Variants in EIF4G3 observed in about 807,000 individuals in gnomAD.
EIF4G3 encodes eukaryotic translation initiation factor 4 gamma 3.
EIF4G3 carries 34 observed loss-of-function variants against 186.4 expected under a neutral mutation model. The ratio of observed to expected loss-of-function variants is 0.18; its 90% CI spans 0.14 to 0.24. The LOEUF is 0.24. Ranked by LOEUF, EIF4G3 falls within the 10% of genes least tolerant of loss-of-function variation. The pLI, the probability that EIF4G3 is intolerant of heterozygous loss-of-function variation, is 1.00. For synonymous variants in EIF4G3, 673 were observed against 679.5 expected, an observed-to-expected ratio of 0.99 and a Z score of 0.15; for missense variants, 1,536 against 1,948.5, an observed-to-expected ratio of 0.79 and a Z score of 3.99.
chr1:21,045,320 T>A (rs1189826192), intron 4 of EIF4G3, among the ~76,000 whole-genome samples: 1 of 152,192 alleles, frequency 6.6e-6, no homozygotes. Context: ...GGTGTAACAA[T>A]AAGCATCACG....
intron 2 of EIF4G3, among the ~76,000 whole-genome samples, chr1:21,103,726 C>G (rs1010241046): frequency 1.3e-5 from 2 of 152,066 alleles, no homozygotes; most frequent in African/African-American, 4.8e-5. Flanking sequence ...TGTCTGTAGT[C>G]CCAGCTACTT....
rs138069031 is a variant in EIF4G3 at position 20,915,199 on chromosome 1, T to A, written c.1664-10228A>T. On this transcript the variant is annotated intron_variant, in intron 14 of 36. Transcript: ENST00000602326. ...TGGGCCAAAAAGCAAGAAGATATCATCAGGTCTGTGACTCCTCTGGAGGCT... is the reference window on the plus strand; with the variant it reads ...TGGGCCAAAAAGCAAGAAGATATCAACAGGTCTGTGACTCCTCTGGAGGCT... Among the ~76,000 whole-genome samples the A allele has an allele frequency of 5.3e-5, 8 of 152,318 alleles. No homozygotes were observed. In the East Asian group the frequency reaches 7.7e-4, roughly 15 times the overall value.
chr1:20,889,255 C>T (rs190842966), intron 18 of EIF4G3, among the ~76,000 whole-genome samples: 145 of 152,254 alleles, frequency 9.5e-4, no homozygotes, highest in African/African-American at 3.3e-3. Context: ...AATCAATATA[C>T]ACCTAAATTT....
At position 20,942,112 on chromosome 1, in the gene EIF4G3, T is replaced by A. The variant is rs780268817; in HGVS notation, c.1042A>T (p.Ile348Leu). The change falls in exon 14 of 37, where the codon ATA becomes TTA. Residue 348 changes from isoleucine (I) to leucine (L), a missense_variant. By Grantham distance (5) the Ile-to-Leu change is conservative. Around this residue, in one of 11 missense-constraint regions of EIF4G3, gnomAD observed 560 missense variants for 547.8 expected, o/e 1.02. Coordinates refer to ENST00000602326, the MANE Select transcript of EIF4G3 (RefSeq NM_001391906.1). Reference sequence around the variant, plus strand: ...CTGTCATCTATAGCAGTGGTGAATATTGGTTGGCTACTAAGAGCAGAAGAG... The same window carrying A: ...CTGTCATCTATAGCAGTGGTGAATAATGGTTGGCTACTAAGAGCAGAAGAG... ...PTSSALSSQP[I>L]FTTAIDDRCE... 6.2e-7 allele frequency: 1 copy of A among 1,614,136 alleles called. No individual in the cohort carries two copies. The highest frequency in any genetic ancestry group is 8.5e-7 in the Non-Finnish European group (1 of 1,180,006).
At chr1:20,906,833 A>AAC (rs2092255483) in intron 14 of EIF4G3, among the ~76,000 whole-genome samples, 2 of 122,656 alleles carry the variant, frequency 1.6e-5, no homozygotes, top group African/African-American at 5.5e-5. Flanking sequence ...CACACACACA[A>AAC]ACACACACAC....
chr1:20,854,910 T>C (rs2074440673), intron 26 of EIF4G3, 68 bp downstream of exon 26: 3 of 1,311,832 alleles, frequency 2.3e-6, no homozygotes, highest in Non-Finnish European at 2.2e-6. Context: ...TCGATGACTA[T>C]GGGAATGCGC....
chr1:20,921,643 G>A (rs995291873), intron 14 of EIF4G3, among the ~76,000 whole-genome samples: 3 of 152,176 alleles, frequency 2.0e-5, no homozygotes, highest in African/African-American at 7.2e-5. Context: ...GAATACTGTT[G>A]AATTCAATTT....
chr1:20,836,036 T>C (rs564989028), intron 30 of EIF4G3, among the ~76,000 whole-genome samples: 7 of 152,156 alleles, frequency 4.6e-5, no homozygotes, highest in African/African-American at 1.4e-4. Flanking sequence ...TTCCAAAAAA[T>C]TGAAGTGGAG....
chr1:20,832,647 G>A (rs1414704517), intron 30 of EIF4G3, among the ~76,000 whole-genome samples: 2 of 150,744 alleles, frequency 1.3e-5, no homozygotes, highest in African/African-American at 4.9e-5. Context: ...GTCTTTTGTT[G>A]CCATTGCTTT....
chr1:21,123,489 T>C (rs113729820), intron 2 of EIF4G3, among the ~76,000 whole-genome samples: 159 of 147,864 alleles, frequency 1.1e-3, no homozygotes, highest in African/African-American at 3.9e-3. Context: ...CGCTTGAACC[T>C]GGGAGGCAAA....
chr1:21,006,592 T>C (rs879770889), intron 4 of EIF4G3, among the ~76,000 whole-genome samples: 2 of 152,210 alleles, frequency 1.3e-5, no homozygotes, highest in Non-Finnish European at 2.9e-5. Flanking sequence ...AACACAATAG[T>C]GACAGCAAAC....
intron 2 of EIF4G3, among the ~76,000 whole-genome samples, chr1:21,123,023 T>C (rs920144654): frequency 2.6e-5 from 4 of 152,204 alleles, no homozygotes; most frequent in Admixed American, 2.0e-4. Context: ...AAAACTGCTA[T>C]ACAGCTTGAT....
chr1:20,862,826 G>A (rs1447631093), intron 22 of EIF4G3, among the ~76,000 whole-genome samples: 1 of 152,150 alleles, frequency 6.6e-6, no homozygotes, highest in Non-Finnish European at 1.5e-5. Flanking sequence ...CCAGTTGGGA[G>A]TGCAATGGCT....
At position 21,050,860 on chromosome 1, in the gene EIF4G3, T is replaced by C; in HGVS notation, c.-67+6A>G. On this transcript the variant is annotated splice_donor_region_variant and intron_variant, in intron 4 of 36. Transcript: ENST00000602326. Reference sequence around the variant, plus strand: ...TTCTTATTTTTTTAAAAAAGGTTTATCTTACTTGAGAGAGTCCAGGGGACG... The same window carrying C: ...TTCTTATTTTTTTAAAAAAGGTTTACCTTACTTGAGAGAGTCCAGGGGACG... The C allele has an allele frequency of 1.4e-6, 1 of 693,996 alleles. No individual in the cohort carries two copies. The highest frequency in any genetic ancestry group is 2.6e-6 in the Non-Finnish European group (1 of 379,470). 43.0% of individuals were successfully genotyped at this position (693,996 alleles called of 1,614,324 possible).
chr1:21,075,673 G>A (rs933400305), intron 3 of EIF4G3, among the ~76,000 whole-genome samples: 12 of 147,614 alleles, frequency 8.1e-5, no homozygotes, highest in Admixed American at 4.1e-4. Context: ...AGGAGTAGTA[G>A]CTATACTACT....
intron 14 of EIF4G3, among the ~76,000 whole-genome samples, chr1:20,938,668 T>C (rs1389803716): frequency 3.3e-5 from 5 of 152,270 alleles, no homozygotes; most frequent in Non-Finnish European, 7.3e-5. Flanking sequence ...AAATAAATTA[T>C]AGTCATTAAG....
chr1:21,141,956 A>C (rs577028541), intron 2 of EIF4G3, among the ~76,000 whole-genome samples: 2 of 152,066 alleles, frequency 1.3e-5, no homozygotes, highest in African/African-American at 2.4e-5. Flanking sequence ...ACAAAATGCT[A>C]ATCAGTACCA....
chr1:20,973,170 T>A, intron 10 of EIF4G3, 71 bp from the exon 11 acceptor site: 1 of 1,119,408 alleles, frequency 8.9e-7, no homozygotes, highest in Non-Finnish European at 1.3e-6. Flanking sequence ...GCAATGACAC[T>A]GTGTCTCTGC....
intron 3 of EIF4G3, among the ~76,000 whole-genome samples, chr1:21,068,819 A>G (rs2095352625): frequency 2.0e-5 from 3 of 152,194 alleles, no homozygotes. Context: ...CCTATCTGAA[A>G]AATTTGGAAC....
Sources: allele counts gnomAD v4.1 joint callset (sites outside exome capture counted in the v4.1 genomes callset), GRCh38; gene constraint gnomAD v4.1.1; regional missense constraint gnomAD v4.1.1; transcripts MANE v1.5; gene names NCBI Gene and HGNC (gene_info 2026-07-23, HGNC 2026-07-21).